Variants in GRIK1 observed in about 807,000 individuals in gnomAD.
The protein encoded by GRIK1 is glutamate receptor ionotropic, kainate 1.
In GRIK1, 69 loss-of-function variants were observed where a neutral mutation model predicts 105.7. That is an observed-to-expected ratio of 0.65 (90% CI 0.54 to 0.80). The LOEUF (loss-of-function observed/expected upper bound fraction) is 0.80, where lower values mean the gene tolerates loss of function less well. Ranked by LOEUF, GRIK1 falls within the 30% of genes least tolerant of loss-of-function variation. The pLI is 0.00. For missense variants in GRIK1, 1,109 were observed against 1,167.3 expected, an observed-to-expected ratio of 0.95 and a Z score of 0.73; for synonymous variants, 438 against 431.3, an observed-to-expected ratio of 1.02 and a Z score of -0.19.
intron 7 of GRIK1, among the ~76,000 whole-genome samples, chr21:29,613,004 G>A (rs953904924): frequency 1.3e-5 from 2 of 152,170 alleles, no homozygotes; most frequent in Non-Finnish European, 2.9e-5. Flanking sequence ...TTGAATCTTG[G>A]CTCTATCTTT....
In GRIK1 at chr21:29,695,450, A is replaced by G. The variant is rs892128376; in HGVS notation, c.119-1387T>C. ...TATCTATATCAATATCTATCTATCT[A>G]TCTATCTATCTATCTATCTATCTAT... On this transcript the variant is annotated intron_variant, in intron 1 of 17. Transcript: ENST00000327783. Among the ~76,000 whole-genome samples, 25 of 140,344 alleles carry G rather than the reference A, an allele frequency of 1.8e-4. 1 individual carries two copies. Among genetic ancestry groups the G allele is most frequent in the African/African-American group, 6.7e-4 (25 of 37,378 alleles). The allele number at this position is 140,344 out of a possible 152,430, so 92.1% of individuals were successfully genotyped here.
chr21:29,933,134 A>G (rs752337434), intron 1 of GRIK1, among the ~76,000 whole-genome samples: 2 of 151,480 alleles, frequency 1.3e-5, no homozygotes, highest in African/African-American at 2.4e-5. Flanking sequence ...GTTTTTTTTT[A>G]TTAATTTGTA....
intron 1 of GRIK1, among the ~76,000 whole-genome samples, chr21:29,921,208 GAA>G (rs10715744): frequency 6.7e-6 from 1 of 149,464 alleles, no homozygotes; most frequent in African/African-American, 2.4e-5. Context: ...TCCCCTGGAA[GAA>G]AAAAAAAATG....
chr21:29,727,545 G>T, intron 1 of GRIK1, among the ~76,000 whole-genome samples: 1 of 152,172 alleles, frequency 6.6e-6, no homozygotes, highest in South Asian at 2.1e-4. Context: ...ATGCAGAGAA[G>T]ACCTAACTGC....
At chr21:29,685,124 C>G (rs555959907) in intron 3 of GRIK1, among the ~76,000 whole-genome samples, 2 of 152,176 alleles carry the variant, frequency 1.3e-5, no homozygotes, top group Admixed American at 6.5e-5. Flanking sequence ...TTGTTTATGT[C>G]CTTACACTTT....
intron 1 of GRIK1, among the ~76,000 whole-genome samples, chr21:29,907,517 A>G (rs1295347373): frequency 6.6e-6 from 1 of 152,140 alleles, no homozygotes; most frequent in African/African-American, 2.4e-5. Context: ...AGCTGTGAAC[A>G]TAAATAAGTT....
At chr21:29,895,561 C>T (rs1226183410) in intron 1 of GRIK1, among the ~76,000 whole-genome samples, 2 of 152,160 alleles carry the variant, frequency 1.3e-5, no homozygotes, top group African/African-American at 2.4e-5. Context: ...CCATGTCTCT[C>T]GAAAAGATCC....
intron 1 of GRIK1, among the ~76,000 whole-genome samples, chr21:29,736,449 G>A (rs1324684003): frequency 6.6e-6 from 1 of 151,974 alleles, no homozygotes; most frequent in African/African-American, 2.4e-5. Flanking sequence ...GGCTGGTTTG[G>A]AACTCCTGAC....
At chr21:29,924,891 A>G (rs1248651293) in intron 1 of GRIK1, among the ~76,000 whole-genome samples, 1 of 152,162 alleles carries the variant, frequency 6.6e-6, no homozygotes, top group Admixed American at 6.5e-5. Flanking sequence ...ATTTAATCAC[A>G]ACCCCCCTTC....
chr21:29,880,311 ATC>A (rs2069358529), intron 1 of GRIK1, among the ~76,000 whole-genome samples: 2 of 152,280 alleles, frequency 1.3e-5, no homozygotes, highest in South Asian at 2.1e-4. Flanking sequence ...GTTTCTTTGA[ATC>A]AGAATGATTT....
intron 14 of GRIK1, 44 bp downstream of exon 14, chr21:29,576,920 A>C (rs1169556147): frequency 9.5e-7 from 1 of 1,057,790 alleles, no homozygotes; most frequent in Non-Finnish European, 1.4e-6. Context: ...ATACTCTACC[A>C]CAAGTATCAG....
At chr21:29,601,893 T>C (rs942940042) in intron 7 of GRIK1, among the ~76,000 whole-genome samples, 2 of 152,084 alleles carry the variant, frequency 1.3e-5, no homozygotes, top group African/African-American at 2.4e-5. Context: ...TTAGGCACTT[T>C]AATTTTTTTC....
chr21:29,872,550 G>C (rs568486027), intron 1 of GRIK1, among the ~76,000 whole-genome samples: 1 of 152,154 alleles, frequency 6.6e-6, no homozygotes, highest in Non-Finnish European at 1.5e-5. Context: ...CACTGAGGAA[G>C]AATAAACCCT....
chr21:29,636,176 C>T (rs768999304), intron 7 of GRIK1, among the ~76,000 whole-genome samples: 17 of 152,158 alleles, frequency 1.1e-4, no homozygotes, highest in Non-Finnish European at 1.8e-4. Flanking sequence ...CGTCATGTCA[C>T]TAGTCTTCCA....
intron 1 of GRIK1, among the ~76,000 whole-genome samples, chr21:29,704,648 G>A (rs1482066661): frequency 6.6e-6 from 1 of 152,152 alleles, no homozygotes; most frequent in Non-Finnish European, 1.5e-5. Flanking sequence ...CCAAGAGAGA[G>A]GCCTTTGAGA....
chr21:29,776,429 A>G (rs1478331557), intron 1 of GRIK1, among the ~76,000 whole-genome samples: 1 of 152,254 alleles, frequency 6.6e-6, no homozygotes, highest in African/African-American at 2.4e-5. Flanking sequence ...TATAAAGTTA[A>G]GATATACAAT....
At chr21:29,685,962 C>T (rs1452238760) in intron 3 of GRIK1, among the ~76,000 whole-genome samples, 1 of 152,132 alleles carries the variant, frequency 6.6e-6, no homozygotes, top group Non-Finnish European at 1.5e-5. Context: ...TCATAGGGGC[C>T]CTGACCCATG....
chr21:29,600,591 A>G (rs146240794), intron 7 of GRIK1, among the ~76,000 whole-genome samples: 38 of 152,294 alleles, frequency 2.5e-4, no homozygotes, highest in Non-Finnish European at 4.6e-4. Context: ...GAAGAATTAC[A>G]CTGTATTTGC....
intron 1 of GRIK1, among the ~76,000 whole-genome samples, chr21:29,789,929 G>A (rs1043437909): frequency 7.2e-5 from 11 of 152,214 alleles, no homozygotes; most frequent in Non-Finnish European, 1.0e-4. Context: ...ATGCCCATAA[G>A]CTGTATTCAA....
Sources: gnomAD v4.1 joint callset for allele counts (sites outside exome capture counted in the v4.1 genomes callset) on GRCh38, gnomAD v4.1.1 for gene constraint, MANE v1.5 for transcripts, NCBI Gene and HGNC (gene_info 2026-07-23, HGNC 2026-07-21) for gene names.